The following ATP8A2 variants were observed in gnomAD, a reference collection of about 807,000 sequenced individuals.
The protein encoded by ATP8A2 is phospholipid-transporting ATPase IB.
ATP8A2 carries 100 observed loss-of-function variants against 165.6 expected under a neutral mutation model. The ratio of observed to expected loss-of-function variants is 0.60; its 90% CI spans 0.51 to 0.71. The LOEUF (loss-of-function observed/expected upper bound fraction) is 0.71. Ranked by LOEUF, ATP8A2 falls within the 30% of genes least tolerant of loss-of-function variation. ATP8A2 has a pLI of 0.00. For missense variants in ATP8A2, 1,227 were observed against 1,479.5 expected (o/e 0.83, Z 2.80); for synonymous variants, 543 against 548.8 (o/e 0.99, Z 0.15).
chr13:25,446,851 GTT>G (rs869206139), intron 1 of ATP8A2, among the ~76,000 whole-genome samples: 1 of 32,650 alleles, frequency 3.1e-5, no homozygotes, highest in Non-Finnish European at 7.4e-5. Context: ...CTAGGATTTT[GTT>G]TTGTTTTGTT....
chr13:25,758,385 G>T (rs2044308756), intron 25 of ATP8A2, among the ~76,000 whole-genome samples: 2 of 152,166 alleles, frequency 1.3e-5, no homozygotes, highest in African/African-American at 4.8e-5. Context: ...AGTAAAACAA[G>T]TCCCTAACAC....
At chr13:25,622,571 A>G (rs2040998350) in intron 24 of ATP8A2, among the ~76,000 whole-genome samples, 1 of 152,202 alleles carries the variant, frequency 6.6e-6, no homozygotes, top group Non-Finnish European at 1.5e-5. Flanking sequence ...CCAAAAATCC[A>G]AAATCCGAAA....
At chr13:25,774,795 A>G in intron 26 of ATP8A2, 54 bp from the exon 27 acceptor site, 1 of 1,036,824 alleles carries the variant, frequency 9.6e-7, no homozygotes, top group Non-Finnish European at 1.5e-6. Flanking sequence ...TCTGTTTGTG[A>G]CTTTTATTCC....
At chr13:25,638,901 G>A (rs551054901) in intron 24 of ATP8A2, among the ~76,000 whole-genome samples, 13 of 152,258 alleles carry the variant, frequency 8.5e-5, no homozygotes, top group African/African-American at 1.9e-4. Context: ...GACTAACAGC[G>A]GATCTCTTGG....
intron 33 of ATP8A2, among the ~76,000 whole-genome samples, chr13:25,866,630 GCACA>G (rs143356189): frequency 3.4e-4 from 51 of 151,916 alleles, no homozygotes; most frequent in African/African-American, 1.1e-3. Flanking sequence ...GACACACAAT[GCACA>G]CACACAGAGA....
chr13:25,782,644 C>T (rs894414354), intron 27 of ATP8A2, among the ~76,000 whole-genome samples: 1 of 152,174 alleles, frequency 6.6e-6, no homozygotes, highest in Non-Finnish European at 1.5e-5. Flanking sequence ...CTATGCACAT[C>T]CTCTTGTATA....
intron 35 of ATP8A2, among the ~76,000 whole-genome samples, chr13:25,971,949 G>T (rs767285610): frequency 6.6e-5 from 10 of 152,086 alleles, no homozygotes; most frequent in Admixed American, 1.3e-4. Context: ...AACCCCAGGG[G>T]CTTACTCAGC....
intron 1 of ATP8A2, among the ~76,000 whole-genome samples, chr13:25,453,108 T>C (rs1566144049): frequency 6.6e-6 from 1 of 151,414 alleles, no homozygotes; most frequent in African/African-American, 2.4e-5. Flanking sequence ...AAACAAAAAA[T>C]AGTGTTATAT....
At position 25,490,733 on chromosome 13, in the gene ATP8A2, T is replaced by TTTG. The variant is rs1468715393; in HGVS notation, c.221+21614_221+21615insGTT. 5.1e-5 allele frequency among the ~76,000 whole-genome samples: 7 copies of TTTG among 136,020 alleles called. No individual in the cohort carries two copies. The South Asian group carries it at 9.0e-4, about 17-fold the overall frequency. 89.2% of individuals were successfully genotyped at this position (136,020 alleles called of 152,430 possible). Reference sequence around the variant, plus strand: ...CTACTAATTAGTTTTTTTGTTTTTTTTTTGTTTGTTTGTTTGTTTGTTTTT... The same window carrying TTTG: ...CTACTAATTAGTTTTTTTGTTTTTTTTTGTTTGTTTGTTTGTTTGTTTGTTTTT... On this transcript the variant is annotated intron_variant, in intron 2 of 36. Transcript: ENST00000381655.
intron 30 of ATP8A2, among the ~76,000 whole-genome samples, chr13:25,843,082 A>G (rs1050521361): frequency 5.3e-5 from 8 of 152,142 alleles, no homozygotes; most frequent in African/African-American, 1.9e-4. Flanking sequence ...GAATATAGAT[A>G]TCAGCAAGCC....
chr13:25,481,053 G>A (rs1020482962), intron 2 of ATP8A2, among the ~76,000 whole-genome samples: 1 of 152,092 alleles, frequency 6.6e-6, no homozygotes, highest in Non-Finnish European at 1.5e-5. Flanking sequence ...GCACTAGGCA[G>A]GCTGAGGCAG....
At chr13:25,576,220 G>A (rs570234116) in intron 19 of ATP8A2, among the ~76,000 whole-genome samples, 3 of 152,274 alleles carry the variant, frequency 2.0e-5, no homozygotes, top group African/African-American at 4.8e-5. Context: ...CAGAGCTGAA[G>A]AGAGACTCTC....
chr13:25,813,759 G>A (rs566794197), intron 27 of ATP8A2, among the ~76,000 whole-genome samples: 1 of 152,028 alleles, frequency 6.6e-6, no homozygotes, highest in East Asian at 1.9e-4. Context: ...CATTATTCTG[G>A]GTGTTTCTGT....
intron 24 of ATP8A2, among the ~76,000 whole-genome samples, chr13:25,631,359 T>C (rs918676716): frequency 2.6e-5 from 4 of 152,178 alleles, no homozygotes; most frequent in Admixed American, 2.0e-4. Flanking sequence ...AGCTACCATA[T>C]TGGATGGTGT....
At chr13:25,624,331 TA>T (rs979754287) in intron 24 of ATP8A2, among the ~76,000 whole-genome samples, 3 of 152,170 alleles carry the variant, frequency 2.0e-5, no homozygotes, top group African/African-American at 7.2e-5. Flanking sequence ...TTGTGGTTTA[TA>T]AATACAGAAG....
chr13:25,741,047 AAC>A (rs1206303343), intron 25 of ATP8A2, among the ~76,000 whole-genome samples: 20 of 152,252 alleles, frequency 1.3e-4, no homozygotes, highest in Non-Finnish European at 2.8e-4. Context: ...GACATTTAAA[AAC>A]ACATATTGTT....
At chr13:25,577,646 CT>C (rs2039656262) in intron 20 of ATP8A2, among the ~76,000 whole-genome samples, 1 of 152,034 alleles carries the variant, frequency 6.6e-6, no homozygotes. Context: ...CTAGGTCAGG[CT>C]TTTTGTCCTG....
At chr13:25,725,532 G>A (rs1467007688) in intron 25 of ATP8A2, among the ~76,000 whole-genome samples, 1 of 152,206 alleles carries the variant, frequency 6.6e-6, no homozygotes, top group Non-Finnish European at 1.5e-5. Flanking sequence ...GGGTGCAGAT[G>A]TAAGTGAGCT....
chr13:25,749,606 G>A (rs1427432418), intron 25 of ATP8A2, among the ~76,000 whole-genome samples: 4 of 152,134 alleles, frequency 2.6e-5, no homozygotes, highest in African/African-American at 9.7e-5. Flanking sequence ...CCTTGAGTGA[G>A]CAGCTACAGA....
Sources: allele counts gnomAD v4.1 joint callset (sites outside exome capture counted in the v4.1 genomes callset), GRCh38; gene constraint gnomAD v4.1.1; transcripts MANE v1.5; gene names NCBI Gene and HGNC (gene_info 2026-07-23, HGNC 2026-07-21).